The following WRN variants were observed in gnomAD, a reference collection of about 807,000 sequenced individuals.
WRN encodes the protein WRN RecQ like helicase.
In WRN, 149 loss-of-function variants were observed where a neutral mutation model predicts 180.7. The ratio of observed to expected loss-of-function variants is 0.82; its 90% confidence interval spans 0.72 to 0.94. WRN has a LOEUF of 0.94. WRN is among the 40% of genes least tolerant of loss of function. The probability of loss-of-function intolerance (pLI) is 0.00; values close to 1 mark genes in which losing one functional copy is unlikely to be tolerated. For missense variants in WRN, 1,661 were observed against 1,700.1 expected (o/e 0.98, Z 0.40); for synonymous variants, 548 against 568.9 (o/e 0.96, Z 0.52).
intron 33 of WRN, among the ~76,000 whole-genome samples, chr8:31,163,917 A>G (rs1803740648): frequency 6.6e-6 from 1 of 151,432 alleles, no homozygotes; most frequent in African/African-American, 2.4e-5. Flanking sequence ...CCGTGGCACA[A>G]TCATAGCTTA....
chr8:31,082,657 C>T (rs542434015), intron 9 of WRN, among the ~76,000 whole-genome samples: 45 of 151,622 alleles, frequency 3.0e-4, no homozygotes, highest in Admixed American at 1.9e-3. Context: ...AGTGCCGTGG[C>T]GCAGTCTTGG....
intron 28 of WRN, among the ~76,000 whole-genome samples, chr8:31,145,076 C>A (rs575085588): frequency 6.6e-6 from 1 of 152,316 alleles, no homozygotes; most frequent in African/African-American, 2.4e-5. Flanking sequence ...CATAAAAGTG[C>A]AAAGTGAAAC....
rs1343039875 is a variant in WRN at position 31,174,819 on chromosome 8, T to TCCTTCCTTCCTCCCTCCCTC, written c.*1720_*1721insTCCTTCCTCCCTCCCTCCCT. On this transcript the variant is annotated 3_prime_UTR_variant, in exon 35 of 35. Coordinates refer to ENST00000298139, the MANE Select transcript of WRN (RefSeq NM_000553.6). Reference sequence around the variant, plus strand: ...CCCCTTCCTTCCTTCCTTCCTTCCTTCCTCCCTCCCTCCCTCCCTCCCTCC... The same window carrying TCCTTCCTTCCTCCCTCCCTC: ...CCCCTTCCTTCCTTCCTTCCTTCCTTCCTTCCTTCCTCCCTCCCTCCCTCCCTCCCTCCCTCCCTCCCTCC... Among the ~76,000 whole-genome samples the TCCTTCCTTCCTCCCTCCCTC allele has an allele frequency of 1.2e-5, 1 of 86,536 alleles. No individual in the cohort carries two copies. Among genetic ancestry groups the TCCTTCCTTCCTCCCTCCCTC allele is most frequent in the Non-Finnish European group, 2.5e-5 (1 of 39,620 alleles). 56.8% of individuals were successfully genotyped at this position (86,536 alleles called of 152,430 possible).
At chr8:31,166,726 A>G (rs184355529) in intron 33 of WRN, among the ~76,000 whole-genome samples, 2 of 152,248 alleles carry the variant, frequency 1.3e-5, no homozygotes, top group Admixed American at 1.3e-4. Context: ...CAATTCCACG[A>G]ATGGTTGTTT....
intron 27 of WRN, among the ~76,000 whole-genome samples, chr8:31,143,054 C>T (rs201601274): frequency 2.7e-5 from 1 of 37,684 alleles, no homozygotes; most frequent in African/African-American, 8.6e-5. Context: ...CACACACACA[C>T]ATTCTCTCTC....
intron 16 of WRN, among the ~76,000 whole-genome samples, chr8:31,096,542 C>A (rs1813984648): frequency 6.6e-6 from 1 of 152,110 alleles, no homozygotes; most frequent in South Asian, 2.1e-4. Flanking sequence ...TTCTTTTTAT[C>A]TGTAGTCTTT....
At chr8:31,138,961 G>T (rs182160670) in intron 24 of WRN, among the ~76,000 whole-genome samples, 6 of 152,130 alleles carry the variant, frequency 3.9e-5, no homozygotes, top group African/African-American at 1.2e-4. Flanking sequence ...CTACACCTTG[G>T]AAATAGTAGT....
At chr8:31,087,583 G>C in intron 11 of WRN, 193 bp from the exon 12 acceptor site, 1 of 545,006 alleles carries the variant, frequency 1.8e-6, no homozygotes, top group Non-Finnish European at 3.3e-6. Flanking sequence ...TCCATCTTTG[G>C]CCTTGCGCCT....
intron 6 of WRN, 94 bp downstream of exon 6, chr8:31,067,276 C>A: frequency 7.3e-7 from 1 of 1,378,258 alleles, no homozygotes; most frequent in Non-Finnish European, 1.0e-6. Flanking sequence ...GTGGCAGAAA[C>A]TCTACCAAAA....
At chr8:31,068,399 C>T (rs1812790263) in intron 7 of WRN, 72 bp downstream of exon 7, 3 of 1,262,548 alleles carry the variant, frequency 2.4e-6, no homozygotes, top group African/African-American at 2.9e-5. Context: ...AGGCAATATT[C>T]ACATATTTGC....
At chr8:31,094,930 G>T (rs965920047) in intron 16 of WRN, among the ~76,000 whole-genome samples, 3 of 152,070 alleles carry the variant, frequency 2.0e-5, no homozygotes, top group Admixed American at 6.6e-5. Flanking sequence ...GAACATTTGT[G>T]TACCAATTTT....
rs71539917 is a variant in WRN at position 31,140,003 on chromosome 8, G to GTTTTTTTT, written c.2968-1404_2968-1397dup. ...AAGCTCTATGTTTGTATACTTCTTT[G>GTTTTTTTT]TTTTTTTTTTTTTTTTTTTTTTTTT... is the stretch of plus-strand genomic sequence containing the variant. On this transcript the variant is annotated intron_variant, in intron 24 of 34. Coordinates refer to ENST00000298139, the MANE Select transcript of WRN (RefSeq NM_000553.6). Among the ~76,000 whole-genome samples the GTTTTTTTT allele has an allele frequency of 1.3e-3, 78 of 62,104 alleles. 9 individuals are homozygous for GTTTTTTTT. The highest frequency in any genetic ancestry group is 2.1e-3 in the African/African-American group (35 of 16,514). The allele number at this position is 62,104 out of a possible 152,430, so 40.7% of individuals were successfully genotyped here.
chr8:31,157,639 A>C (rs1803440680), intron 33 of WRN, 109 bp downstream of exon 33: 2 of 1,414,490 alleles, frequency 1.4e-6, no homozygotes, highest in East Asian at 2.4e-5. Context: ...TATTATGAAA[A>C]CCTTACTTTT....
intron 28 of WRN, 64 bp from the exon 29 acceptor site, chr8:31,146,989 G>T (rs193168090): frequency 7.4e-7 from 1 of 1,359,286 alleles, no homozygotes; most frequent in Non-Finnish European, 1.0e-6. Context: ...TTTAGGGGAT[G>T]AAATAGAAAG....
intron 27 of WRN, among the ~76,000 whole-genome samples, chr8:31,143,149 G>A (rs1331417281): frequency 1.3e-5 from 2 of 151,502 alleles, no homozygotes; most frequent in African/African-American, 4.9e-5. Context: ...AACTATTACA[G>A]ATTAAATACT....
intron 17 of WRN, among the ~76,000 whole-genome samples, chr8:31,097,786 AT>A (rs1218348835): frequency 6.6e-6 from 1 of 151,436 alleles, no homozygotes; most frequent in East Asian, 1.9e-4. Flanking sequence ...CTCAAAAAAA[AT>A]TTTTTTTTCT....
At chr8:31,101,988 AG>A (rs1443865781) in intron 18 of WRN, among the ~76,000 whole-genome samples, 2 of 152,040 alleles carry the variant, frequency 1.3e-5, no homozygotes, top group African/African-American at 4.8e-5. Flanking sequence ...TTTCCTGAAC[AG>A]TAACATCTTG....
At chr8:31,070,875 TC>T (rs1812888624) in intron 7 of WRN, among the ~76,000 whole-genome samples, 1 of 151,964 alleles carries the variant, frequency 6.6e-6, no homozygotes, top group Non-Finnish European at 1.5e-5. Flanking sequence ...TGAAACACCA[TC>T]TCTACTAAAA....
At chr8:31,125,188 G>T (rs1306332664) in intron 23 of WRN, among the ~76,000 whole-genome samples, 188 bp downstream of exon 23, 1 of 151,738 alleles carries the variant, frequency 6.6e-6, no homozygotes, top group Non-Finnish European at 1.5e-5. Context: ...CAATAAAATG[G>T]TAGCCCTAAA....
Sources: gnomAD v4.1 joint callset for allele counts (sites outside exome capture counted in the v4.1 genomes callset) on GRCh38, gnomAD v4.1.1 for gene constraint, MANE v1.5 for transcripts, NCBI Gene and HGNC (gene_info 2026-07-23, HGNC 2026-07-21) for gene names.